DPP6: variants seen among roughly 807,000 people sequenced by gnomAD.
DPP6 encodes A-type potassium channel modulatory protein DPP6.
A neutral mutation model predicts 122.6 loss-of-function variants in DPP6; 69 were observed. That is an observed-to-expected ratio of 0.56 (90% CI 0.46 to 0.69). The LOEUF (loss-of-function observed/expected upper bound fraction) is 0.69. DPP6 is among the 30% of genes least tolerant of loss of function. The probability of loss-of-function intolerance (pLI) is 0.00; values close to 1 mark genes in which losing one functional copy is unlikely to be tolerated. For synonymous variants in DPP6, 418 were observed against 433.1 expected (o/e 0.97, Z 0.43); for missense variants, 928 against 1,116.9 (o/e 0.83, Z 2.41).
intron 5 of DPP6, among the ~76,000 whole-genome samples, chr7:154,575,334 G>A (rs1831516238): frequency 8.9e-6 from 1 of 112,378 alleles, no homozygotes; most frequent in Non-Finnish European, 1.8e-5. Flanking sequence ...ATGTGTGTGT[G>A]GTGTGTGTAT....
chr7:154,334,006 T>C (rs1809176089), intron 1 of DPP6, among the ~76,000 whole-genome samples: 1 of 152,164 alleles, frequency 6.6e-6, no homozygotes, highest in Non-Finnish European at 1.5e-5. Flanking sequence ...TTTTATAACT[T>C]AATAGTATAA....
intron 17 of DPP6, among the ~76,000 whole-genome samples, chr7:154,856,321 G>A (rs768019058): frequency 3.3e-5 from 5 of 152,172 alleles, no homozygotes; most frequent in Non-Finnish European, 7.3e-5. Flanking sequence ...GCCACTTCCA[G>A]CCTGGATGTG....
At chr7:154,852,882 C>T (rs4960558) in intron 16 of DPP6, among the ~76,000 whole-genome samples, 648 of 22,010 alleles carry the variant, frequency 0.029, 4 homozygotes, top group African/African-American at 0.15. Flanking sequence ...TTTGAGTAGA[C>T]ATTTAAATGA....
chr7:154,647,365 A>G (rs1836550477), intron 6 of DPP6, among the ~76,000 whole-genome samples: 1 of 152,252 alleles, frequency 6.6e-6, no homozygotes, highest in South Asian at 2.1e-4. Flanking sequence ...ATATGCCAGT[A>G]AAGTTTCCTC....
intron 1 of DPP6, among the ~76,000 whole-genome samples, chr7:154,117,592 T>C (rs2150598336): frequency 6.6e-6 from 1 of 152,358 alleles, no homozygotes; most frequent in Non-Finnish European, 1.5e-5. Flanking sequence ...TTTTCATTGT[T>C]CAGCATGACT....
At chr7:153,888,186 G>T (rs1483773070) in intron 1 of DPP6, among the ~76,000 whole-genome samples, 1 of 152,190 alleles carries the variant, frequency 6.6e-6, no homozygotes, top group Non-Finnish European at 1.5e-5. Context: ...GACCTGTTGG[G>T]TCTGCGGAGC....
At chr7:153,991,641 A>G (rs1797182889) in intron 1 of DPP6, among the ~76,000 whole-genome samples, 1 of 152,166 alleles carries the variant, frequency 6.6e-6, no homozygotes, top group African/African-American at 2.4e-5. Context: ...CCAATCCTGC[A>G]TGTGTTAATT....
chr7:153,904,363 G>A (rs1357040390), intron 1 of DPP6, among the ~76,000 whole-genome samples: 2 of 152,050 alleles, frequency 1.3e-5, no homozygotes, highest in Non-Finnish European at 2.9e-5. Flanking sequence ...GTTATTCTTT[G>A]ATTCTCCTGC....
At chr7:153,806,992 T>G in the DPP6 span, among the ~76,000 whole-genome samples, 5 of 152,102 alleles carry the variant, frequency 3.3e-5, 1 homozygote, top group South Asian at 4.1e-4. Context: ...TATTCCCTTC[T>G]TTTTTACTAA....
chr7:154,845,898 C>G (rs960300234), intron 16 of DPP6, among the ~76,000 whole-genome samples: 1 of 152,218 alleles, frequency 6.6e-6, no homozygotes, highest in Non-Finnish European at 1.5e-5. Flanking sequence ...TCCTCCACCC[C>G]ATGGCCATGT....
chr7:154,464,698 T>C (rs1182853183), intron 2 of DPP6, among the ~76,000 whole-genome samples: 2 of 152,252 alleles, frequency 1.3e-5, no homozygotes, highest in African/African-American at 4.8e-5. Context: ...ATTGGTCTAT[T>C]GATATTGGGA....
At chr7:154,502,288 G>A (rs1825317050) in intron 3 of DPP6, among the ~76,000 whole-genome samples, 1 of 152,160 alleles carries the variant, frequency 6.6e-6, no homozygotes, top group African/African-American at 2.4e-5. Context: ...GGGGACTGCT[G>A]GGAAGGCATG....
At chr7:154,876,326 T>A in intron 20 of DPP6, 1 of 761,858 alleles carries the variant, frequency 1.3e-6, no homozygotes, top group Non-Finnish European at 1.8e-6. Flanking sequence ...GGGTAGATTG[T>A]TGAGTTGACT....
intron 1 of DPP6, among the ~76,000 whole-genome samples, chr7:154,440,414 C>T (rs1044774051): frequency 2.0e-5 from 3 of 152,152 alleles, no homozygotes. Flanking sequence ...AGGAGCATCT[C>T]GGGGAGTGGG....
chr7:154,687,230 G>A (rs765703789), intron 7 of DPP6, among the ~76,000 whole-genome samples: 7 of 152,174 alleles, frequency 4.6e-5, no homozygotes, highest in Non-Finnish European at 1.0e-4. Context: ...GTATGAACAT[G>A]TGGAAGCATT....
At chr7:154,297,069 T>TG (rs1403209062) in intron 1 of DPP6, among the ~76,000 whole-genome samples, 3 of 138,126 alleles carry the variant, frequency 2.2e-5, no homozygotes, top group Non-Finnish European at 4.6e-5. Flanking sequence ...TTCTGTTTTT[T>TG]TTTTTTTGTT....
chr7:154,049,370 T>C (rs1800181089), upstream of DPP6, among the ~76,000 whole-genome samples: 2 of 135,528 alleles, frequency 1.5e-5, no homozygotes, highest in African/African-American at 5.7e-5. Context: ...AGAATTGAAT[T>C]AATTATACAT....
chr7:154,393,120 A>C (rs2151168884), intron 1 of DPP6, among the ~76,000 whole-genome samples: 1 of 152,360 alleles, frequency 6.6e-6, no homozygotes, highest in East Asian at 1.9e-4. Context: ...TATTTGGACT[A>C]GACTTATTTA....
At chr7:154,018,141 A>C (rs1798518905) in intron 1 of DPP6, among the ~76,000 whole-genome samples, 1 of 151,870 alleles carries the variant, frequency 6.6e-6, no homozygotes, top group South Asian at 2.1e-4. Context: ...ATCCATCAAG[A>C]CAAGGCCACC....
Sources: allele counts gnomAD v4.1 joint callset (sites outside exome capture counted in the v4.1 genomes callset), GRCh38; gene constraint gnomAD v4.1.1; transcripts MANE v1.5; gene names NCBI Gene and HGNC (gene_info 2026-07-23, HGNC 2026-07-21).